The following RAD52 variants were observed in gnomAD, a reference collection of about 807,000 sequenced individuals.
RAD52 encodes the protein RAD52 DNA repair protein.
RAD52 carries 47 observed loss-of-function variants against 55.5 expected under a neutral mutation model. The ratio of observed to expected loss-of-function variants is 0.85; its 90% CI spans 0.67 to 1.08. RAD52 has a LOEUF of 1.08. Among genes scored for constraint, RAD52 ranks in the 50% least tolerant of loss-of-function variants. The pLI, the probability that RAD52 is intolerant of heterozygous loss-of-function variation, is 0.00. For missense variants in RAD52, 468 were observed against 522.8 expected (o/e 0.90, Z 1.02); for synonymous variants, 184 against 198.9 (o/e 0.92, Z 0.63).
chr12:926,101 A>T (rs527939348), intron 6 of RAD52, among the ~76,000 whole-genome samples: 4 of 151,964 alleles, frequency 2.6e-5, no homozygotes, highest in Non-Finnish European at 5.9e-5. Context: ...GCCTGGTGGG[A>T]GGTACTGGAT....
chr12:912,741 A>C lies in RAD52; in HGVS notation c.*650T>G, dbSNP rs1019436551. The C allele has an allele frequency of 1.5e-4, 18 of 119,658 alleles. No individual in the cohort carries two copies. Among genetic ancestry groups the C allele is most frequent in the South Asian group, 9.8e-4 (4 of 4,094 alleles). The allele number at this position is 119,658 out of a possible 1,614,324, so 7.4% of individuals were successfully genotyped here. ...CCGTCTCAAAAAAAAAAAAAAAAAA[A>C]AAAACAAAAAACAGCCTTTTTTCGT... On this transcript the variant is annotated 3_prime_UTR_variant, in exon 12 of 12. Transcript: ENST00000358495.
intron 7 of RAD52, among the ~76,000 whole-genome samples, chr12:919,336 C>T (rs1320202932): frequency 1.3e-5 from 2 of 152,074 alleles, no homozygotes; most frequent in Non-Finnish European, 2.9e-5. Flanking sequence ...ATCCCAGTTA[C>T]TTGGGAGGCT....
intron 1 of RAD52, among the ~76,000 whole-genome samples, chr12:947,328 C>T (rs895368438): frequency 5.6e-5 from 4 of 71,016 alleles, no homozygotes; most frequent in Admixed American, 1.3e-4. Flanking sequence ...CTCTGTCCCC[C>T]CAAAAAAACA....
chr12:939,085 T>TGTGTGTGTGTGTGTGTGTGTAG (rs57206780), intron 1 of RAD52, among the ~76,000 whole-genome samples: 295 of 144,736 alleles, frequency 2.0e-3, no homozygotes, highest in African/African-American at 3.5e-3. Context: ...TGTGTGTGTG[T>TGTGTGTGTGTGTGTGTGTGTAG]AGAGAGAGAG....
At chr12:972,593 C>T (rs1055376573) in intron 1 of RAD52, among the ~76,000 whole-genome samples, 1 of 150,588 alleles carries the variant, frequency 6.6e-6, no homozygotes, top group Non-Finnish European at 1.5e-5. Context: ...GGTGAAACCC[C>T]GTCTCTACTA....
upstream of RAD52, among the ~76,000 whole-genome samples, chr12:953,687 T>G (rs1958566240): frequency 6.6e-6 from 1 of 152,230 alleles, no homozygotes; most frequent in African/African-American, 2.4e-5. Context: ...GCCACCCAGT[T>G]GTGGTAATTT....
chr12:987,714 C>T (rs946084191), intron 1 of RAD52, among the ~76,000 whole-genome samples: 42 of 152,170 alleles, frequency 2.8e-4, no homozygotes, highest in African/African-American at 9.6e-4. Context: ...GCATATGCCA[C>T]CATACTTGAC....
chr12:955,473 TC>T lies in RAD52; in HGVS notation c.-18-22398del, dbSNP rs59061768. Among the ~76,000 whole-genome samples the T allele has an allele frequency of 9.2e-5, 13 of 140,766 alleles. No homozygotes were observed. In the East Asian group the frequency reaches 2.4e-3, roughly 26 times the overall value. 92.3% of individuals were successfully genotyped at this position (140,766 alleles called of 152,430 possible). A position where few individuals can be genotyped will look rare whatever the true frequency, so the allele number is the denominator to read the frequency against. On this transcript the variant is annotated intron_variant, in intron 1 of 11. Transcript: ENST00000430095. Reference sequence around the variant, plus strand: ...GACAGCAACGTACTGTTCTTCTTCTTCTTTCTTTTTTTTTTTTTGAGACGGA... The same window carrying T: ...GACAGCAACGTACTGTTCTTCTTCTTTTTCTTTTTTTTTTTTTGAGACGGA...
chr12:973,135 T>C (rs1160947146), intron 1 of RAD52, among the ~76,000 whole-genome samples: 2 of 152,110 alleles, frequency 1.3e-5, no homozygotes, highest in African/African-American at 4.8e-5. Context: ...AGTGGCGCGA[T>C]CTCGGCTCAC....
chr12:980,006 C>G (rs906223306), intron 1 of RAD52, among the ~76,000 whole-genome samples: 1 of 151,906 alleles, frequency 6.6e-6, no homozygotes, highest in Admixed American at 6.6e-5. Context: ...GAGATCGTGC[C>G]GATGAAACCC....
chr12:971,840 C>T (rs1006236662), intron 1 of RAD52, among the ~76,000 whole-genome samples: 4 of 151,946 alleles, frequency 2.6e-5, no homozygotes, highest in Non-Finnish European at 4.4e-5. Flanking sequence ...CTCCGCCCCC[C>T]GGGGTTCACG....
intron 1 of RAD52, among the ~76,000 whole-genome samples, chr12:964,020 C>T (rs933073564): frequency 1.3e-4 from 19 of 151,892 alleles, no homozygotes; most frequent in African/African-American, 3.1e-4. Flanking sequence ...GCATGGAGCA[C>T]GTCTGGAGTG....
rs1041239593 is a variant in RAD52 at position 955,485 on chromosome 12, T to A, written c.-18-22409A>T. Among the ~76,000 whole-genome samples the A allele has an allele frequency of 4.4e-3, 670 of 151,906 alleles. 4 individuals are homozygous for A. The highest frequency in any genetic ancestry group is 0.015 in the African/African-American group (642 of 41,488). Reference sequence around the variant, plus strand: ...CTGTTCTTCTTCTTCTTTCTTTTTTTTTTTTTGAGACGGAGTCTCACTCTG... The same window carrying A: ...CTGTTCTTCTTCTTCTTTCTTTTTTATTTTTTGAGACGGAGTCTCACTCTG... On this transcript the variant is annotated intron_variant, in intron 1 of 11. Transcript: ENST00000430095.
Position 930,135 on chromosome 12 carries a change from T to G in RAD52, c.196A>C (p.Ile66Leu). Reference protein sequence around the residue: ...MAGGGQKVCYIEGHRVINLAN... With the variant: ...MAGGGQKVCYLEGHRVINLAN... The stretch of plus-strand genomic sequence containing the variant: ...AGATTAATTACCCGATGACCCTCAA[T>G]GTAGCACACCTAGAAAAACAAATGT... The change falls in exon 4 of 12, where the codon ATT (isoleucine) becomes CTT (leucine). Residue 66 changes from isoleucine to leucine, a missense_variant. Transcript: ENST00000358495. 1.9e-6 allele frequency: 3 copies of G among 1,611,876 alleles called. No homozygotes were observed. The highest frequency in any genetic ancestry group is 2.5e-6 in the Non-Finnish European group (3 of 1,178,646).
chr12:930,026 C>T, intron 4 of RAD52, 25 bp downstream of exon 4: 13 of 1,603,304 alleles, frequency 8.1e-6, no homozygotes, highest in Non-Finnish European at 1.1e-5. Flanking sequence ...GTGCAGAAGT[C>T]CCCACTGCTG....
chr12:984,686 A>G (rs1959062886), intron 1 of RAD52, among the ~76,000 whole-genome samples: 1 of 146,672 alleles, frequency 6.8e-6, no homozygotes, highest in Non-Finnish European at 1.5e-5. Flanking sequence ...TTTTTTTGAG[A>G]TGGAGTCTTG....
intron 1 of RAD52, among the ~76,000 whole-genome samples, chr12:940,751 C>T (rs1181437497): frequency 6.6e-6 from 1 of 152,028 alleles, no homozygotes; most frequent in Non-Finnish European, 1.5e-5. Flanking sequence ...GAATTAGAAG[C>T]CATACTTGAC....
intron 1 of RAD52, chr12:974,811 G>C (rs375534091): frequency 6.6e-6 from 1 of 152,084 alleles, no homozygotes; most frequent in Admixed American, 6.5e-5. Flanking sequence ...TATTATCTCC[G>C]CATTAGATAA....
intron 1 of RAD52, among the ~76,000 whole-genome samples, chr12:983,470 G>C (rs1959047043): frequency 6.8e-6 from 1 of 147,008 alleles, no homozygotes; most frequent in Admixed American, 6.8e-5. Flanking sequence ...AGACTGGAGA[G>C]CAATGGCGTG....
Sources: gnomAD v4.1 joint callset for allele counts (sites outside exome capture counted in the v4.1 genomes callset) on GRCh38, gnomAD v4.1.1 for gene constraint, MANE v1.5 for transcripts, NCBI Gene and HGNC (gene_info 2026-07-23, HGNC 2026-07-21) for gene names.